CORO7: variants seen among roughly 807,000 people sequenced by gnomAD.
CORO7 encodes the protein coronin-7.
Under a neutral mutation model 126.6 loss-of-function variants are expected in CORO7, and 107 were observed. That is an observed-to-expected ratio of 0.85 (90% CI 0.72 to 0.99). The LOEUF (loss-of-function observed/expected upper bound fraction) is 0.99. CORO7 is among the 50% of genes least tolerant of loss of function. The pLI, the probability that CORO7 is intolerant of heterozygous loss-of-function variation, is 0.00. For missense variants in CORO7, 1,314 were observed against 1,255.8 expected (o/e 1.05, Z -0.70); for synonymous variants, 603 against 536.8 (o/e 1.12, Z -1.70).
rs542184040 is a variant in CORO7, at chr16:4,383,103, C to T, written c.785+4883G>A. The T allele has an allele frequency of 1.9e-4, 111 of 598,128 alleles. No homozygotes were observed. In the African/African-American group the frequency reaches 1.9e-3, roughly 10 times the overall value. The allele number at this position is 598,128 out of a possible 1,614,324, so 37.1% of individuals were successfully genotyped here. On this transcript the variant is annotated intron_variant, in intron 9 of 27. Coordinates refer to ENST00000251166, the MANE Select transcript of CORO7 (RefSeq NM_024535.5). ...CTGTGGCCCAGCTGACGAGCCCTAA[C>T]GTCCCCAGAACCGAGTGCCTATGAG...
chr16:4,398,657 C>G (rs1249834126), intron 6 of CORO7, among the ~76,000 whole-genome samples: 1 of 146,682 alleles, frequency 6.8e-6, no homozygotes, highest in Non-Finnish European at 1.5e-5. Context: ...CAGAGCAAGA[C>G]TCCATCTGAA....
At chr16:4,370,993 C>T (rs2054503450) in intron 9 of CORO7, among the ~76,000 whole-genome samples, 1 of 152,222 alleles carries the variant, frequency 6.6e-6, no homozygotes, top group South Asian at 2.1e-4. Context: ...TTCCTGGAAT[C>T]CTCCAAGGCA....
In CORO7 at chr16:4,361,038, T is replaced by C. The variant is rs1305633656; in HGVS notation, c.1822A>G (p.Asn608Asp). ...TCATAGGAGGACGAGGCCAGCACATTGGCTGCCAGTGGGTGGAAGCGCAGG... is the reference window on the plus strand; with the variant it reads ...TCATAGGAGGACGAGGCCAGCACATCGGCTGCCAGTGGGTGGAAGCGCAGG... The part of the protein sequence containing the change: ...CSLRFHPLAA[N>D]VLASSSYDLT... The change falls in exon 19 of 28, where the codon AAT becomes GAT. Residue 608 changes from asparagine (N) to aspartate (D), a missense_variant. Physicochemically the swap from Asn to Asp is conservative, Grantham distance 23. Transcript: ENST00000251166. 2 of 1,613,220 alleles carry C rather than the reference T, an allele frequency of 1.2e-6. No individual in the cohort carries two copies. Among genetic ancestry groups the C allele is most frequent in the Admixed American group, 3.3e-5 (2 of 60,012 alleles).
At chr16:4,369,788 C>T (rs1243158573) in intron 9 of CORO7, among the ~76,000 whole-genome samples, 1 of 152,170 alleles carries the variant, frequency 6.6e-6, no homozygotes, top group Non-Finnish European at 1.5e-5. Context: ...GGCTGGGTCC[C>T]TTGGATCTGT....
chr16:4,360,239 G>A, intron 21 of CORO7, 39 bp downstream of exon 21: 12 of 1,612,344 alleles, frequency 7.4e-6, no homozygotes, highest in Non-Finnish European at 1.0e-5. Context: ...GACACAGGTG[G>A]CTTCTGAAGC....
At chr16:4,384,148 G>C (rs928772175) in intron 9 of CORO7, among the ~76,000 whole-genome samples, 7 of 152,198 alleles carry the variant, frequency 4.6e-5, no homozygotes, top group African/African-American at 1.4e-4. Context: ...GAAAGGGGCC[G>C]AGCCCCAGTG....
rs1371581098 is a variant in CORO7, at chr16:4,373,524, C to T, written c.786-7979G>A. On this transcript the variant is annotated intron_variant, in intron 9 of 27. Transcript: ENST00000251166. The stretch of plus-strand genomic sequence containing the variant: ...GAATGGGATTCAGCATAAGGAGCCT[C>T]TCAGACACTGCCCAGACCTGTGCTT... Among the ~76,000 whole-genome samples, 4 of 152,142 alleles carry T rather than the reference C, an allele frequency of 2.6e-5. No homozygotes were observed. In the East Asian group the frequency reaches 5.8e-4, roughly 22 times the overall value.
At chr16:4,377,266 C>T (rs1331642485) in intron 9 of CORO7, among the ~76,000 whole-genome samples, 2 of 151,760 alleles carry the variant, frequency 1.3e-5, no homozygotes, top group Non-Finnish European at 2.9e-5. Flanking sequence ...TCCGGAACAC[C>T]TCCTGCACCA....
chr16:4,390,295 CTTT>C (rs375838180), intron 7 of CORO7, among the ~76,000 whole-genome samples: 1 of 147,890 alleles, frequency 6.8e-6, no homozygotes, highest in Non-Finnish European at 1.5e-5. Context: ...ACAGAATTTA[CTTT>C]TTTTTTTTAA....
chr16:4,361,906 G>A (rs1199400576), intron 16 of CORO7, 79 bp downstream of exon 16: 1 of 1,539,420 alleles, frequency 6.5e-7, no homozygotes, highest in Non-Finnish European at 8.8e-7. Flanking sequence ...TCCCTGTGTT[G>A]TGTGGGTAGC....
chr16:4,382,658 G>T (rs1164333610), intron 9 of CORO7: 8 of 1,553,104 alleles, frequency 5.2e-6, no homozygotes, highest in Admixed American at 1.9e-5. Context: ...GCTGCGGTGG[G>T]GGCAGCCTAC....
intron 6 of CORO7, among the ~76,000 whole-genome samples, chr16:4,402,927 C>A (rs1321231270): frequency 1.3e-5 from 2 of 151,900 alleles, no homozygotes; most frequent in African/African-American, 4.8e-5. Context: ...CAGGAGGGGG[C>A]TTTGGTGGTC....
chr16:4,369,330 G>GCTGGGT (rs1471914653), intron 9 of CORO7, among the ~76,000 whole-genome samples: 2 of 152,382 alleles, frequency 1.3e-5, no homozygotes, highest in South Asian at 4.1e-4. Context: ...AGAGAGCCAA[G>GCTGGGT]CTGGGTCTGG....
At chr16:4,367,998 A>G (rs976537781) in intron 9 of CORO7, among the ~76,000 whole-genome samples, 1 of 152,192 alleles carries the variant, frequency 6.6e-6, no homozygotes, top group African/African-American at 2.4e-5. Flanking sequence ...CAGTAGGTCA[A>G]CACTGTGACC....
intron 9 of CORO7, among the ~76,000 whole-genome samples, chr16:4,372,887 C>G (rs1235516078): frequency 6.6e-6 from 1 of 152,126 alleles, no homozygotes; most frequent in Non-Finnish European, 1.5e-5. Flanking sequence ...CCTTTTGCAC[C>G]AAGGACAGGT....
rs745439199 is a variant in CORO7 at position 4,359,404 on chromosome 16, G to T, written c.2251-19C>A. Reference sequence around the variant, plus strand: ...TGTCGCCCTGCGGGGAAGAAGGCAGGCTGGGAACCCTCCGGCAACACTGGC... The same window carrying T: ...TGTCGCCCTGCGGGGAAGAAGGCAGTCTGGGAACCCTCCGGCAACACTGGC... On this transcript the variant is annotated intron_variant, in intron 22 of 27. Transcript: ENST00000251166. 9 of 1,613,454 alleles carry T rather than the reference G, an allele frequency of 5.6e-6. No homozygotes were observed. The African/African-American group carries it at 1.2e-4, about 22-fold the overall frequency.
intron 9 of CORO7, chr16:4,387,759 T>C: frequency 1.7e-6 from 1 of 589,746 alleles, no homozygotes; most frequent in Non-Finnish European, 3.0e-6. Flanking sequence ...AAGGGCCCAC[T>C]CTGCTACCAG....
At chr16:4,395,363 CA>C (rs2055545750) in intron 6 of CORO7, 24 bp from the exon 7 acceptor site, 1 of 1,613,912 alleles carries the variant, frequency 6.2e-7, no homozygotes, top group African/African-American at 1.3e-5. Flanking sequence ...GAGGAGGAAA[CA>C]ACTTGCGATT....
chr16:4,408,122 A>C, intron 4 of CORO7, 59 bp downstream of exon 4: 1 of 1,612,250 alleles, frequency 6.2e-7, no homozygotes, highest in Admixed American at 1.7e-5. Flanking sequence ...GCTGGGGCTC[A>C]GAAGGCCCTG....
Sources: allele counts gnomAD v4.1 joint callset (sites outside exome capture counted in the v4.1 genomes callset), GRCh38; gene constraint gnomAD v4.1.1; transcripts MANE v1.5; gene names NCBI Gene and HGNC (gene_info 2026-07-23, HGNC 2026-07-21).